Variants in IL5 observed in about 807,000 individuals in gnomAD.
The protein encoded by IL5 is interleukin 5.
IL5 carries 12 observed loss-of-function variants against 16.3 expected under a neutral mutation model. The observed-to-expected ratio is 0.74, with a 90% CI of 0.47 to 1.20. The LOEUF is 1.20. IL5 is among the 50% of genes most tolerant of loss of function. The probability of loss-of-function intolerance (pLI) is 0.00; values close to 1 mark genes in which losing one functional copy is unlikely to be tolerated. For synonymous variants in IL5, 54 were observed against 56.6 expected, an observed-to-expected ratio of 0.95 and a Z score of 0.21; for missense variants, 159 against 153.9, an observed-to-expected ratio of 1.03 and a Z score of -0.17.
chr5:132,553,089 G>C (rs564053677), intron 1 of IL5, among the ~76,000 whole-genome samples: 1 of 152,208 alleles, frequency 6.6e-6, no homozygotes, highest in South Asian at 2.1e-4. Context: ...TCCAAACTAG[G>C]ACCATGCATT....
At chr5:132,551,713 T>C (rs1210562859) in intron 1 of IL5, among the ~76,000 whole-genome samples, 1 of 152,266 alleles carries the variant, frequency 6.6e-6, no homozygotes, top group African/African-American at 2.4e-5. Flanking sequence ...GAATCTTTCT[T>C]AAATGTATCT....
chr5:132,548,014 A>G (rs1749820108), upstream of IL5, among the ~76,000 whole-genome samples: 1 of 152,224 alleles, frequency 6.6e-6, no homozygotes, highest in Non-Finnish European at 1.5e-5. Flanking sequence ...GGTTGCCGTG[A>G]GCTGAGATAG....
Position 132,556,708 on chromosome 5 carries a change from AC to A in IL5, c.7del (p.Val3Ter), listed in dbSNP as rs1298354118. On this transcript the variant is annotated frameshift_variant, in exon 1 of 3. Transcript: ENST00000450655. LOFTEE classifies it high-confidence loss of function. ...TGGGTCTCCAATCCACCCCACCACTACCCCCATTCCAGGAGTCCCAGGATCA... is the reference window on the plus strand; with the variant it reads ...TGGGTCTCCAATCCACCCCACCACTACCCCATTCCAGGAGTCCCAGGATCA... 1.6e-6 allele frequency: 2 copies of A among 1,246,834 alleles called. No individual in the cohort carries two copies. Among genetic ancestry groups the A allele is most frequent in the South Asian group, 1.5e-5 (1 of 68,232 alleles). 77.2% of individuals were successfully genotyped at this position (1,246,834 alleles called of 1,614,324 possible).
chr5:132,556,698 C>A, exon 1 of IL5: 1 of 1,261,758 alleles, frequency 7.9e-7, no homozygotes, highest in Non-Finnish European at 1.0e-6. Flanking sequence ...CTCCAATCCA[C>A]CCCACCACTA....
chr5:132,546,322 T>C (rs987161259), upstream of IL5, among the ~76,000 whole-genome samples: 5 of 152,080 alleles, frequency 3.3e-5, no homozygotes, highest in Non-Finnish European at 5.9e-5. Flanking sequence ...CCGCCCCCAT[T>C]CTCCCAGCAC....
intron 1 of IL5, 22 bp downstream of exon 1, chr5:132,543,313 T>A: frequency 6.2e-7 from 1 of 1,604,796 alleles, no homozygotes; most frequent in Non-Finnish European, 8.5e-7. Flanking sequence ...TTACAGACTG[T>A]AGGAATCATA....
upstream of IL5, among the ~76,000 whole-genome samples, chr5:132,546,702 G>A (rs774883983): frequency 7.9e-5 from 12 of 152,134 alleles, no homozygotes; most frequent in East Asian, 3.9e-4. Flanking sequence ...AAACTGTCTC[G>A]GAGTTGGACC....
upstream of IL5, among the ~76,000 whole-genome samples, chr5:132,544,855 G>T (rs1051491796): frequency 2.0e-5 from 3 of 152,204 alleles, no homozygotes; most frequent in Non-Finnish European, 2.9e-5. Flanking sequence ...AGGTGCAGTT[G>T]TGTAGGAGAA....
chr5:132,548,670 T>C (rs1009690951), intron 1 of IL5, among the ~76,000 whole-genome samples: 1 of 152,064 alleles, frequency 6.6e-6, no homozygotes, highest in Non-Finnish European at 1.5e-5. Flanking sequence ...CGTCTGTGTG[T>C]GCGTCTGTGT....
intron 3 of IL5, 42 bp from the exon 4 acceptor site, chr5:132,541,951 G>C: frequency 6.2e-7 from 1 of 1,610,786 alleles, no homozygotes; most frequent in Non-Finnish European, 8.5e-7. Flanking sequence ...ACAGGAAACT[G>C]TCAATTCCAT....
upstream of IL5, among the ~76,000 whole-genome samples, chr5:132,544,524 T>G (rs1051011005): frequency 2.6e-5 from 4 of 152,212 alleles, no homozygotes; most frequent in African/African-American, 9.7e-5. Context: ...CTCCTTTATG[T>G]CCCATAAGGG....
At chr5:132,554,538 A>T (rs900167535) in intron 1 of IL5, among the ~76,000 whole-genome samples, 1 of 152,218 alleles carries the variant, frequency 6.6e-6, no homozygotes, top group Non-Finnish European at 1.5e-5. Flanking sequence ...AAAAACATAA[A>T]ATAACAAGTG....
chr5:132,545,847 G>C (rs571466116), upstream of IL5, among the ~76,000 whole-genome samples: 1 of 152,140 alleles, frequency 6.6e-6, no homozygotes, highest in Non-Finnish European at 1.5e-5. Context: ...TTGAACTCAG[G>C]AGGCGGAGGT....
At chr5:132,546,081 G>T (rs183214810), upstream of IL5, among the ~76,000 whole-genome samples, 120 of 152,140 alleles carry the variant, frequency 7.9e-4, 1 homozygote, top group African/African-American at 2.7e-3. Flanking sequence ...AAAACTGTGG[G>T]TTCTTATTGG....
intron 1 of IL5, among the ~76,000 whole-genome samples, chr5:132,554,247 A>C (rs1404761977): frequency 6.6e-6 from 1 of 151,834 alleles, no homozygotes; most frequent in African/African-American, 2.4e-5. Context: ...CGTGCCTGTA[A>C]TCCCAGCTAC....
At chr5:132,546,983 G>A (rs975031665), upstream of IL5, among the ~76,000 whole-genome samples, 4 of 152,116 alleles carry the variant, frequency 2.6e-5, no homozygotes. Context: ...CTGAGATCAC[G>A]CCACTGCACG....
At position 132,543,117 on chromosome 5, in the gene IL5, T is replaced by A; in HGVS notation, c.154A>T (p.Ile52Phe). The A allele has an allele frequency of 6.2e-7, 1 of 1,606,708 alleles. No homozygotes were observed. Among genetic ancestry groups the A allele is most frequent in the Non-Finnish European group, 8.5e-7 (1 of 1,173,956 alleles). The part of the protein sequence containing the change: ...TLLIANETLR[I>F]PVPVHKNHQL... ...ACATTTTTATGTACAGGAACAGGAA[T>A]CCTCAGAGTCTGGAGAGGAAAGGAA... Residue 52 changes from isoleucine to phenylalanine, a missense_variant, in exon 2 of 4, where the codon ATT becomes TTT. By Grantham distance (21) the Ile-to-Phe change is conservative. Coordinates refer to ENST00000231454, the MANE Select transcript of IL5 (RefSeq NM_000879.3).
chr5:132,551,926 A>G (rs981235671), intron 1 of IL5, among the ~76,000 whole-genome samples: 1 of 152,190 alleles, frequency 6.6e-6, no homozygotes, highest in Non-Finnish European at 1.5e-5. Flanking sequence ...AAGAAAGCTC[A>G]TGTACCAATA....
At chr5:132,555,291 C>T (rs1000989864) in intron 1 of IL5, among the ~76,000 whole-genome samples, 1 of 152,014 alleles carries the variant, frequency 6.6e-6, no homozygotes, top group Non-Finnish European at 1.5e-5. Flanking sequence ...GAGCCAGTCA[C>T]AAAAAGATAA....
Sources: gnomAD v4.1 joint callset for allele counts (sites outside exome capture counted in the v4.1 genomes callset) on GRCh38, gnomAD v4.1.1 for gene constraint, MANE v1.5 for transcripts, NCBI Gene and HGNC (gene_info 2026-07-23, HGNC 2026-07-21) for gene names.